The following ATRNL1 variants were observed in gnomAD, a reference collection of about 807,000 sequenced individuals.
ATRNL1 encodes attractin-like protein 1.
Under a neutral mutation model 182.7 loss-of-function variants are expected in ATRNL1, and 95 were observed. That is an observed-to-expected ratio of 0.52 (90% CI 0.44 to 0.62). The LOEUF is 0.62. Ranked by LOEUF, ATRNL1 falls within the 20% of genes least tolerant of loss-of-function variation. The pLI, the probability that ATRNL1 is intolerant of heterozygous loss-of-function variation, is 0.00. For synonymous variants in ATRNL1, 576 were observed against 568.3 expected (o/e 1.01, Z -0.19); for missense variants, 1,471 against 1,679.5 (o/e 0.88, Z 2.17).
At chr10:115,548,187 C>A (rs1033610602) in intron 25 of ATRNL1, among the ~76,000 whole-genome samples, 1 of 152,210 alleles carries the variant, frequency 6.6e-6, no homozygotes, top group African/African-American at 2.4e-5. Context: ...ATAGTATATA[C>A]TATCTTGAAG....
intron 27 of ATRNL1, among the ~76,000 whole-genome samples, chr10:115,805,447 G>C (rs934811597): frequency 1.3e-5 from 2 of 152,012 alleles, no homozygotes; most frequent in African/African-American, 2.4e-5. Flanking sequence ...GTAAAATAAT[G>C]GTTACATAAA....
intron 26 of ATRNL1, among the ~76,000 whole-genome samples, chr10:115,666,224 G>A (rs542602871): frequency 6.6e-6 from 1 of 152,238 alleles, no homozygotes; most frequent in African/African-American, 2.4e-5. Flanking sequence ...TATTTTAAAG[G>A]TCGTCCAAGG....
chr10:115,942,181 C>T (rs944203076), intron 28 of ATRNL1, among the ~76,000 whole-genome samples: 5 of 152,234 alleles, frequency 3.3e-5, no homozygotes, highest in Non-Finnish European at 5.9e-5. Context: ...AATGCACTTA[C>T]ATAATTCCAT....
At chr10:115,097,735 C>G (rs1554863518) in intron 1 of ATRNL1, among the ~76,000 whole-genome samples, 3 of 152,068 alleles carry the variant, frequency 2.0e-5, no homozygotes, top group African/African-American at 7.2e-5. Flanking sequence ...ACCATCCTAG[C>G]TAACACAGTG....
chr10:115,172,819 T>C lies in ATRNL1; in HGVS notation c.1348+1527T>C, dbSNP rs1283741394. ...TTCTAAACGTACCTAGCTTTAAATTTCATAATTACTGTTCTCAAGTTGTTT... is the reference window on the plus strand; with the variant it reads ...TTCTAAACGTACCTAGCTTTAAATTCCATAATTACTGTTCTCAAGTTGTTT... On this transcript the variant is annotated intron_variant, in intron 8 of 28. Transcript: ENST00000355044. 2.0e-5 allele frequency among the ~76,000 whole-genome samples: 3 copies of C among 150,550 alleles called. No homozygotes were observed. In the Admixed American group the frequency reaches 2.0e-4, roughly 10 times the overall value.
In ATRNL1 at chr10:115,706,517, G is replaced by A. The variant is rs138561227; in HGVS notation, c.3796-20731G>A. 5.9e-5 allele frequency among the ~76,000 whole-genome samples: 9 copies of A among 151,888 alleles called. No homozygotes were observed. The East Asian group carries it at 1.7e-3, about 29-fold the overall frequency. On this transcript the variant is annotated intron_variant, in intron 26 of 28. Coordinates refer to ENST00000355044, the MANE Select transcript of ATRNL1 (RefSeq NM_207303.4). ...ATTCAGCCCACCACAGCTACTATCT[G>A]ACCAAATCACATAGTGCACTTTTAT...
intron 26 of ATRNL1, among the ~76,000 whole-genome samples, chr10:115,567,286 T>C (rs1332265859): frequency 6.6e-6 from 1 of 152,162 alleles, no homozygotes; most frequent in African/African-American, 2.4e-5. Context: ...ATAATGCTTT[T>C]TTAGACTGCT....
intron 26 of ATRNL1, among the ~76,000 whole-genome samples, chr10:115,639,889 T>G (rs1555029657): frequency 6.6e-6 from 1 of 151,978 alleles, no homozygotes; most frequent in African/African-American, 2.4e-5. Context: ...TGTGCCATGG[T>G]GGTTTGTTGC....
chr10:115,421,173 G>C (rs1167659073), intron 20 of ATRNL1, among the ~76,000 whole-genome samples: 1 of 152,066 alleles, frequency 6.6e-6, no homozygotes, highest in Non-Finnish European at 1.5e-5. Flanking sequence ...GAAGTAGAGG[G>C]CATTCTTCCA....
intron 26 of ATRNL1, among the ~76,000 whole-genome samples, chr10:115,561,677 G>GTT (rs1853722544): frequency 1.0e-5 from 1 of 97,980 alleles, no homozygotes; most frequent in South Asian, 4.5e-4. Flanking sequence ...CTCTGTGTGT[G>GTT]TGTGTGTGTG....
chr10:115,809,134 A>G (rs2960685), intron 27 of ATRNL1, among the ~76,000 whole-genome samples: 36,730 of 151,936 alleles, frequency 0.24, 5,010 homozygotes, highest in African/African-American at 0.37. Context: ...TTGCAAATCA[A>G]TCAACTATAT....
At chr10:115,535,232 C>G (rs1249793612) in intron 25 of ATRNL1, among the ~76,000 whole-genome samples, 1 of 152,190 alleles carries the variant, frequency 6.6e-6, no homozygotes, top group African/African-American at 2.4e-5. Flanking sequence ...CTCCCCGTCA[C>G]TTTCAGGTAC....
intron 1 of ATRNL1, among the ~76,000 whole-genome samples, chr10:115,104,341 T>C (rs1405360408): frequency 6.6e-6 from 1 of 152,238 alleles, no homozygotes; most frequent in Non-Finnish European, 1.5e-5. Flanking sequence ...GTATGTCTTC[T>C]TTTGAGAAAT....
At chr10:115,847,572 A>C (rs1950958919) in intron 27 of ATRNL1, among the ~76,000 whole-genome samples, 1 of 152,126 alleles carries the variant, frequency 6.6e-6, no homozygotes, top group African/African-American at 2.4e-5. Flanking sequence ...GTGATCACTT[A>C]ATTAGATAAA....
chr10:115,198,539 T>C (rs146294663), intron 8 of ATRNL1, among the ~76,000 whole-genome samples: 1 of 152,308 alleles, frequency 6.6e-6, no homozygotes, highest in East Asian at 1.9e-4. Context: ...ACTTTTGCTT[T>C]TGTTACCTGT....
intron 27 of ATRNL1, among the ~76,000 whole-genome samples, chr10:115,829,325 A>G (rs1302420007): frequency 4.6e-5 from 7 of 152,290 alleles, no homozygotes; most frequent in Admixed American, 3.9e-4. Context: ...CAGACCAGCC[A>G]TGACTGGGTT....
At chr10:115,613,294 GT>G (rs2133782896) in intron 26 of ATRNL1, among the ~76,000 whole-genome samples, 1 of 152,238 alleles carries the variant, frequency 6.6e-6, no homozygotes, top group East Asian at 1.9e-4. Flanking sequence ...TTATCGTGTT[GT>G]TTGTTCTTTA....
At chr10:115,669,028 A>G (rs1458640272) in intron 26 of ATRNL1, among the ~76,000 whole-genome samples, 1 of 152,142 alleles carries the variant, frequency 6.6e-6, no homozygotes, top group Non-Finnish European at 1.5e-5. Flanking sequence ...AGAGCTTTCC[A>G]TCTTTAATTT....
chr10:115,741,639 G>T (rs1295975602), intron 27 of ATRNL1, among the ~76,000 whole-genome samples: 1 of 152,156 alleles, frequency 6.6e-6, no homozygotes, highest in Non-Finnish European at 1.5e-5. Flanking sequence ...TTGAGGTAGA[G>T]AAACAATTTG....
Sources: gnomAD v4.1 joint callset for allele counts (sites outside exome capture counted in the v4.1 genomes callset) on GRCh38, gnomAD v4.1.1 for gene constraint, MANE v1.5 for transcripts, NCBI Gene and HGNC (gene_info 2026-07-23, HGNC 2026-07-21) for gene names.